EYS: variants seen among roughly 807,000 people sequenced by gnomAD.
EYS encodes EGF-like photoreceptor maintenance factor, also known as protein eyes shut homolog.
EYS carries 250 observed loss-of-function variants against 282.1 expected under a neutral mutation model. That is an observed-to-expected ratio of 0.89 (90% confidence interval 0.80 to 0.98). EYS has a LOEUF of 0.98. EYS is among the 50% of genes least tolerant of loss of function. The probability of loss-of-function intolerance (pLI) is 0.00; values close to 1 mark genes in which losing one functional copy is unlikely to be tolerated. For missense variants in EYS, 4,016 were observed against 3,709.0 expected, an observed-to-expected ratio of 1.08 and a Z score of -2.15; for synonymous variants, 1,355 against 1,282.9, an observed-to-expected ratio of 1.06 and a Z score of -1.20.
intron 12 of EYS, among the ~76,000 whole-genome samples, chr6:65,293,131 A>C (rs1158907778): frequency 1.3e-5 from 2 of 151,686 alleles, no homozygotes; most frequent in African/African-American, 2.4e-5. Context: ...AATCATAAGA[A>C]AAGTAAGATG....
At chr6:64,550,420 A>G (rs1765035308) in intron 26 of EYS, among the ~76,000 whole-genome samples, 1 of 152,090 alleles carries the variant, frequency 6.6e-6, no homozygotes, top group Non-Finnish European at 1.5e-5. Flanking sequence ...CTTTTTAATG[A>G]TCGCCATTCT....
chr6:65,080,821 T>G (rs575274279), intron 12 of EYS, among the ~76,000 whole-genome samples: 1 of 152,276 alleles, frequency 6.6e-6, no homozygotes, highest in Admixed American at 6.5e-5. Flanking sequence ...TGATATTTTC[T>G]AATATTTCAT....
intron 31 of EYS, among the ~76,000 whole-genome samples, chr6:64,137,551 G>T (rs75417820): frequency 0.023 from 3,524 of 152,058 alleles, 117 homozygotes; most frequent in African/African-American, 0.072. Flanking sequence ...TAATAATAGG[G>T]TTATTATTTT....
chr6:65,040,554 C>T (rs538463172), intron 13 of EYS, among the ~76,000 whole-genome samples: 4 of 151,658 alleles, frequency 2.6e-5, no homozygotes, highest in Admixed American at 6.6e-5. Context: ...TGTGATATGA[C>T]CTCACTGAGG....
chr6:64,968,939 A>T (rs1396670670), intron 14 of EYS, among the ~76,000 whole-genome samples: 2 of 152,188 alleles, frequency 1.3e-5, no homozygotes, highest in African/African-American at 4.8e-5. Context: ...CCTCAATTCA[A>T]GATATCTCTA....
At chr6:65,674,008 A>T (rs1768489287) in intron 1 of EYS, among the ~76,000 whole-genome samples, 1 of 152,052 alleles carries the variant, frequency 6.6e-6, no homozygotes, top group African/African-American at 2.4e-5. Context: ...TTTGAAACTA[A>T]AGAATAAAAT....
At chr6:64,355,358 A>T (rs1471085278) in intron 29 of EYS, among the ~76,000 whole-genome samples, 1 of 151,586 alleles carries the variant, frequency 6.6e-6, no homozygotes, top group African/African-American at 2.4e-5. Flanking sequence ...GGAATAATAA[A>T]TCATCTACCT....
intron 12 of EYS, among the ~76,000 whole-genome samples, chr6:65,273,081 A>C (rs1194264067): frequency 6.6e-6 from 1 of 152,232 alleles, no homozygotes; most frequent in African/African-American, 2.4e-5. Flanking sequence ...CTGGATAAAA[A>C]AAGATTCATG....
chr6:65,295,677 A>C, intron 12 of EYS, 186 bp downstream of exon 12: 1 of 600,020 alleles, frequency 1.7e-6, no homozygotes, highest in South Asian at 2.2e-5. Context: ...AGTCAGATTA[A>C]ATTGCCCAAA....
At chr6:64,837,949 C>G (rs1765437821) in intron 19 of EYS, among the ~76,000 whole-genome samples, 1 of 151,388 alleles carries the variant, frequency 6.6e-6, no homozygotes, top group Non-Finnish European at 1.5e-5. Flanking sequence ...TAGACTTCAC[C>G]ACCTTGCAAT....
At chr6:64,690,985 AAAT>A (rs760432756) in intron 22 of EYS, among the ~76,000 whole-genome samples, 3 of 152,034 alleles carry the variant, frequency 2.0e-5, no homozygotes, top group African/African-American at 7.2e-5. Flanking sequence ...TAATAATAAT[AAAT>A]AATAAAAATA....
At chr6:64,081,811 G>A in intron 32 of EYS, 45 bp downstream of exon 32, 2 of 1,372,100 alleles carry the variant, frequency 1.5e-6, no homozygotes, top group East Asian at 5.2e-5. Context: ...ATCAACGTTT[G>A]AGAAAGAAAC....
chr6:65,009,002 A>G (rs534457072), intron 13 of EYS, among the ~76,000 whole-genome samples: 1 of 152,276 alleles, frequency 6.6e-6, no homozygotes, highest in South Asian at 2.1e-4. Flanking sequence ...TATGCCTGAA[A>G]GCCCCAATCC....
intron 33 of EYS, among the ~76,000 whole-genome samples, chr6:64,027,621 A>C (rs548006226): frequency 6.6e-6 from 1 of 152,224 alleles, no homozygotes; most frequent in Admixed American, 6.5e-5. Flanking sequence ...AAAATGGAGC[A>C]GGCCAATCAC....
intron 24 of EYS, among the ~76,000 whole-genome samples, chr6:64,614,732 A>G (rs542439398): frequency 8.5e-5 from 13 of 152,138 alleles, no homozygotes; most frequent in Non-Finnish European, 1.5e-4. Context: ...GGGCAAAATC[A>G]TTCAACCCCA....
intron 12 of EYS, among the ~76,000 whole-genome samples, chr6:65,206,405 A>G (rs1360051338): frequency 6.6e-6 from 1 of 151,614 alleles, no homozygotes; most frequent in Non-Finnish European, 1.5e-5. Context: ...AAAAAAAATT[A>G]TAAAAATAAG....
intron 12 of EYS, among the ~76,000 whole-genome samples, chr6:65,157,096 T>C (rs956821581): frequency 1.3e-5 from 2 of 151,132 alleles, no homozygotes; most frequent in African/African-American, 4.8e-5. Context: ...CATTGACTCC[T>C]TAAAATATCT....
intron 33 of EYS, among the ~76,000 whole-genome samples, chr6:64,024,880 C>T (rs147281086): frequency 0.02 from 3,031 of 152,208 alleles, 33 homozygotes; most frequent in Middle Eastern, 0.031. Flanking sequence ...TAACACTCAC[C>T]GTGAGGGTCT....
intron 30 of EYS, among the ~76,000 whole-genome samples, chr6:64,245,248 C>G (rs1303053154): frequency 6.6e-6 from 1 of 152,058 alleles, no homozygotes; most frequent in African/African-American, 2.4e-5. Context: ...GAGTTCATGT[C>G]TATTTGGTAT....
Sources: gnomAD v4.1 joint callset for allele counts (sites outside exome capture counted in the v4.1 genomes callset) on GRCh38, gnomAD v4.1.1 for gene constraint, MANE v1.5 for transcripts, NCBI Gene and HGNC (gene_info 2026-07-23, HGNC 2026-07-21) for gene names.